Variants in GNB5 observed in about 807,000 individuals in gnomAD.
GNB5 encodes G protein subunit beta 5.
In GNB5, 37 loss-of-function variants were observed where a neutral mutation model predicts 55.3. The observed-to-expected ratio is 0.67, with a 90% CI of 0.51 to 0.88. GNB5 has a LOEUF of 0.88. Among genes scored for constraint, GNB5 ranks in the 40% least tolerant of loss-of-function variants. The pLI, the probability that GNB5 is intolerant of heterozygous loss-of-function variation, is 0.00. For missense variants in GNB5, 476 were observed against 515.3 expected, an observed-to-expected ratio of 0.92 and a Z score of 0.74; for synonymous variants, 219 against 198.5, an observed-to-expected ratio of 1.10 and a Z score of -0.87.
intron 7 of GNB5, chr15:52,139,984 T>A: frequency 8.0e-7 from 1 of 1,256,670 alleles, no homozygotes; most frequent in Non-Finnish European, 1.0e-6. Context: ...CCCAAAGACA[T>A]CTCATTTTGG....
At chr15:52,188,960 C>G (rs915245730) in intron 1 of GNB5, among the ~76,000 whole-genome samples, 3 of 152,200 alleles carry the variant, frequency 2.0e-5, no homozygotes, top group Admixed American at 6.5e-5. Flanking sequence ...TACTTGCTTT[C>G]TTCATCTAAC....
intron 3 of GNB5, among the ~76,000 whole-genome samples, chr15:52,166,378 G>C (rs140611512): frequency 2.2e-4 from 34 of 152,198 alleles, no homozygotes; most frequent in African/African-American, 7.9e-4. Context: ...TCCAAAAACA[G>C]AATATACATT....
At chr15:52,164,257 G>A (rs1234870939) in intron 3 of GNB5, among the ~76,000 whole-genome samples, 5 of 145,118 alleles carry the variant, frequency 3.4e-5, no homozygotes, top group African/African-American at 5.1e-5. Context: ...GCAGTGAGCC[G>A]AGATGGTGCC....
chr15:52,152,825 A>G (rs2034128219), intron 4 of GNB5, among the ~76,000 whole-genome samples: 1 of 152,076 alleles, frequency 6.6e-6, no homozygotes, highest in Non-Finnish European at 1.5e-5. Flanking sequence ...TATAAAGACG[A>G]GGTCTCACCA....
At chr15:52,155,984 C>A (rs911876984) in intron 3 of GNB5, among the ~76,000 whole-genome samples, 4 of 152,176 alleles carry the variant, frequency 2.6e-5, no homozygotes, top group Admixed American at 6.5e-5. Context: ...ATGATTCTGG[C>A]CTGAATGAGT....
intron 3 of GNB5, among the ~76,000 whole-genome samples, chr15:52,165,211 T>C (rs2034427049): frequency 6.6e-6 from 1 of 152,162 alleles, no homozygotes; most frequent in Non-Finnish European, 1.5e-5. Context: ...TATGGGATTA[T>C]GTAAAAAGAC....
At chr15:52,176,855 T>G (rs981706023) in intron 3 of GNB5, among the ~76,000 whole-genome samples, 3 of 151,826 alleles carry the variant, frequency 2.0e-5, no homozygotes, top group Non-Finnish European at 4.4e-5. Flanking sequence ...TCACTGGGAG[T>G]AAGAGCCCAA....
intron 1 of GNB5, among the ~76,000 whole-genome samples, chr15:52,190,279 G>C (rs995945852): frequency 2.0e-5 from 3 of 151,702 alleles, no homozygotes; most frequent in African/African-American, 7.3e-5. Flanking sequence ...CACCTCACCC[G>C]GCTAATTTCT....
At chr15:52,163,749 G>A (rs554837988) in intron 3 of GNB5, among the ~76,000 whole-genome samples, 1 of 152,200 alleles carries the variant, frequency 6.6e-6, no homozygotes, top group Admixed American at 6.5e-5. Flanking sequence ...TTCTTTAAGC[G>A]GGTCCCTGAT....
intron 3 of GNB5, among the ~76,000 whole-genome samples, chr15:52,161,318 GAC>G (rs2034326510): frequency 6.6e-6 from 1 of 152,158 alleles, no homozygotes; most frequent in Non-Finnish European, 1.5e-5. Context: ...CTTTTTTTGA[GAC>G]AGAGTCTCGC....
intron 7 of GNB5, among the ~76,000 whole-genome samples, chr15:52,136,029 C>A (rs886280739): frequency 1.4e-5 from 2 of 140,872 alleles, no homozygotes; most frequent in African/African-American, 5.4e-5. Context: ...CGGGGGCAGT[C>A]AATCAGAGGC....
intron 9 of GNB5, 120 bp from the exon 10 acceptor site, chr15:52,128,364 C>A: frequency 1.4e-6 from 1 of 705,398 alleles, no homozygotes; most frequent in Admixed American, 2.4e-5. Context: ...ACATTTGCAG[C>A]AGAAGACGGA....
rs923159594 is a variant in GNB5 at position 52,121,270 on chromosome 15, G to A, written c.*1487C>T. The A allele has an allele frequency of 6.6e-6, 1 of 152,306 alleles. No homozygotes were observed. Among genetic ancestry groups the A allele is most frequent in the East Asian group, 1.9e-4 (1 of 5,192 alleles). 9.4% of individuals were successfully genotyped at this position (152,306 alleles called of 1,614,324 possible). A position where few individuals can be genotyped will look rare whatever the true frequency, so the allele number is the denominator to read the frequency against. ...CCTTCAGGTGCAGCCAGAACCTGCC[G>A]GCAGACCCCAGGCCACCGACGAGGC... On this transcript the variant is annotated 3_prime_UTR_variant, in exon 13 of 13. Transcript: ENST00000261837.
At chr15:52,158,591 A>T (rs779658688) in intron 3 of GNB5, among the ~76,000 whole-genome samples, 2 of 151,910 alleles carry the variant, frequency 1.3e-5, no homozygotes, top group Non-Finnish European at 2.9e-5. Flanking sequence ...TAGCACTGGG[A>T]GTGGGAGGCA....
At chr15:52,179,951 A>T in intron 2 of GNB5, 72 bp from the exon 3 acceptor site, 1 of 1,424,200 alleles carries the variant, frequency 7.0e-7, no homozygotes, top group East Asian at 3.3e-5. Context: ...GCGCCGCTCC[A>T]GCAGCCGTCC....
chr15:52,141,888 G>A (rs1315772111), intron 6 of GNB5, among the ~76,000 whole-genome samples: 4 of 152,082 alleles, frequency 2.6e-5, no homozygotes, highest in Admixed American at 1.3e-4. Context: ...CCTGATTGTC[G>A]CCAGGATCCA....
chr15:52,155,486 A>G (rs1021133667), intron 3 of GNB5, among the ~76,000 whole-genome samples: 1 of 152,216 alleles, frequency 6.6e-6, no homozygotes, highest in Non-Finnish European at 1.5e-5. Flanking sequence ...AAATAACCAA[A>G]GTGTAATCAT....
intron 3 of GNB5, among the ~76,000 whole-genome samples, chr15:52,163,723 G>C (rs985193422): frequency 1.2e-4 from 18 of 152,200 alleles, no homozygotes; most frequent in African/African-American, 4.3e-4. Context: ...GCTCCACCAG[G>C]GGGCAGCCAG....
At chr15:52,175,677 T>C (rs879410214) in intron 3 of GNB5, among the ~76,000 whole-genome samples, 3 of 151,798 alleles carry the variant, frequency 2.0e-5, no homozygotes, top group Non-Finnish European at 2.9e-5. Context: ...TGGTGGAACT[T>C]ACAGTGAGCT....
Sources: gnomAD v4.1 joint callset for allele counts (sites outside exome capture counted in the v4.1 genomes callset) on GRCh38, gnomAD v4.1.1 for gene constraint, MANE v1.5 for transcripts, NCBI Gene and HGNC (gene_info 2026-07-23, HGNC 2026-07-21) for gene names.